Variants in TANK observed in about 807,000 individuals in gnomAD.
TANK encodes the protein TRAF family member associated NFKB activator.
A neutral mutation model predicts 43.6 loss-of-function variants in TANK; 15 were observed. The ratio of observed to expected loss-of-function variants is 0.34; its 90% CI spans 0.23 to 0.53. The LOEUF is 0.53. Ranked by LOEUF, TANK falls within the 20% of genes least tolerant of loss-of-function variation. The pLI is 0.94. For missense variants in TANK, 417 were observed against 498.6 expected, an observed-to-expected ratio of 0.84 and a Z score of 1.56; for synonymous variants, 162 against 178.2, an observed-to-expected ratio of 0.91 and a Z score of 0.73.
At chr2:161,173,729 G>A (rs927294914) in intron 1 of TANK, among the ~76,000 whole-genome samples, 7 of 152,018 alleles carry the variant, frequency 4.6e-5, no homozygotes, top group African/African-American at 1.7e-4. Flanking sequence ...GGAGAAAAAG[G>A]CAAAGACCAT....
intron 1 of TANK, among the ~76,000 whole-genome samples, chr2:161,170,536 A>G (rs1417860001): frequency 6.6e-6 from 1 of 152,186 alleles, no homozygotes. Flanking sequence ...GTTGGTGCAT[A>G]TTTGTATAGC....
intron 6 of TANK, among the ~76,000 whole-genome samples, chr2:161,225,291 T>C (rs2105388807): frequency 6.6e-6 from 1 of 152,182 alleles, no homozygotes; most frequent in Middle Eastern, 3.4e-3. Context: ...GCAGTGGCTA[T>C]TCACAGGCCT....
chr2:161,226,645 T>A (rs1158426118), intron 6 of TANK, among the ~76,000 whole-genome samples: 1 of 152,182 alleles, frequency 6.6e-6, no homozygotes, highest in Non-Finnish European at 1.5e-5. Context: ...ATGATTCATT[T>A]GAAAATACTG....
At chr2:161,207,810 C>T in intron 4 of TANK, 3 of 985,280 alleles carry the variant, frequency 3.0e-6, no homozygotes, top group Non-Finnish European at 3.6e-6. Context: ...ATGTCTGTTG[C>T]AGTTTTTTAA....
At chr2:161,169,394 A>G (rs566686119) in intron 1 of TANK, among the ~76,000 whole-genome samples, 16 of 152,246 alleles carry the variant, frequency 1.1e-4, no homozygotes, top group East Asian at 1.9e-4. Flanking sequence ...ATAGCATTAC[A>G]TAGTAATAAG....
At chr2:161,159,778 T>C (rs543419279), upstream of TANK, among the ~76,000 whole-genome samples, 8 of 152,352 alleles carry the variant, frequency 5.3e-5, no homozygotes, top group East Asian at 1.9e-4. Context: ...TGGCTAGGAA[T>C]TGGAATAATG....
intron 1 of TANK, among the ~76,000 whole-genome samples, chr2:161,148,947 T>C (rs1309634766): frequency 6.6e-6 from 1 of 152,204 alleles, no homozygotes; most frequent in African/African-American, 2.4e-5. Context: ...ACTTTGTTTT[T>C]CCTTTGCAAT....
At chr2:161,175,156 G>T (rs1282772091) in intron 1 of TANK, among the ~76,000 whole-genome samples, 3 of 152,084 alleles carry the variant, frequency 2.0e-5, no homozygotes, top group African/African-American at 4.8e-5. Flanking sequence ...CATGGGAGGA[G>T]ATGCCATGTC....
intron 2 of TANK, among the ~76,000 whole-genome samples, chr2:161,181,699 C>T (rs747774040): frequency 3.3e-5 from 5 of 152,024 alleles, no homozygotes; most frequent in South Asian, 4.1e-4. Flanking sequence ...GGGGAAAATC[C>T]GCCTCCATGA....
chr2:161,205,387 T>G (rs1317537371), intron 4 of TANK, among the ~76,000 whole-genome samples: 3 of 151,854 alleles, frequency 2.0e-5, no homozygotes, highest in East Asian at 3.9e-4. Context: ...GTGTGTGTGG[T>G]GTGTGTGTGT....
At chr2:161,151,242 A>G (rs1267243455) in intron 1 of TANK, among the ~76,000 whole-genome samples, 2 of 152,166 alleles carry the variant, frequency 1.3e-5, no homozygotes, top group African/African-American at 4.8e-5. Flanking sequence ...AAGAATGTAT[A>G]TTCAGCTTTT....
rs761944165 is a variant in TANK, at chr2:161,231,447, G to A, written c.997G>A (p.Asp333Asn). The change falls in exon 7 of 8, where the codon GAC becomes AAC. Residue 333 changes from aspartate (D) to asparagine (N), a missense_variant. Coordinates refer to ENST00000392749, the MANE Select transcript of TANK (RefSeq NM_001199135.3). Reference sequence around the variant, plus strand: ...TAGAGCTGCGTGTTTGCCACCTGGAGACCATAATGCATTATATGTAAATAG... The same window carrying A: ...TAGAGCTGCGTGTTTGCCACCTGGAAACCATAATGCATTATATGTAAATAG... ...LDRAACLPPG[D>N]HNALYVNSFP... 6.2e-7 allele frequency: 1 copy of A among 1,614,146 alleles called. No individual in the cohort carries two copies. The highest frequency in any genetic ancestry group is 8.5e-7 in the Non-Finnish European group (1 of 1,180,022).
intron 1 of TANK, among the ~76,000 whole-genome samples, chr2:161,150,976 T>C (rs534365683): frequency 5.3e-5 from 8 of 152,354 alleles, no homozygotes; most frequent in Admixed American, 4.6e-4. Flanking sequence ...TTTTGATACA[T>C]TGCAATTTTG....
At chr2:161,147,261 C>T (rs556698512) in intron 1 of TANK, among the ~76,000 whole-genome samples, 1 of 152,168 alleles carries the variant, frequency 6.6e-6, no homozygotes, top group African/African-American at 2.4e-5. Context: ...TGTTAGGTGG[C>T]TATCAGTCCC....
intron 1 of TANK, among the ~76,000 whole-genome samples, chr2:161,168,234 T>A (rs1453961640): frequency 6.6e-6 from 1 of 152,146 alleles, no homozygotes; most frequent in Non-Finnish European, 1.5e-5. Context: ...AAGTTTTTAT[T>A]TCTCACTATG....
At chr2:161,141,724 C>T (rs1683752768) in intron 1 of TANK, among the ~76,000 whole-genome samples, 1 of 152,120 alleles carries the variant, frequency 6.6e-6, no homozygotes, top group South Asian at 2.1e-4. Flanking sequence ...TTTATCCTGT[C>T]TATCACTGAT....
chr2:161,235,351 A>C lies in TANK; in HGVS notation c.1111A>C (p.Lys371Gln). The C allele has an allele frequency of 6.3e-7, 1 of 1,591,678 alleles. No homozygotes were observed. Among genetic ancestry groups the C allele is most frequent in the Non-Finnish European group, 8.5e-7 (1 of 1,169,732 alleles). ...AIRGPQQPIW[K>Q]PFPNQDSDSV... Reference sequence around the variant, plus strand: ...TGTTTGTTTCCTGCAGCCCATTTGGAAGCCCTTTCCTAATCAAGACAGTGA... The same window carrying C: ...TGTTTGTTTCCTGCAGCCCATTTGGCAGCCCTTTCCTAATCAAGACAGTGA... The change falls in exon 8 of 8, where the codon AAG (lysine) becomes CAG (glutamine). Residue 371 changes from lysine (K) to glutamine (Q), a missense_variant. Transcript: ENST00000392749.
At chr2:161,167,483 C>G (rs1167928211) in intron 1 of TANK, among the ~76,000 whole-genome samples, 1 of 152,140 alleles carries the variant, frequency 6.6e-6, no homozygotes, top group Non-Finnish European at 1.5e-5. Flanking sequence ...TATTGTCAAC[C>G]TAAAGAAATG....
Position 161,212,643 on chromosome 2 carries a change from A to G in TANK, c.327+7850A>G, listed in dbSNP as rs1447166874. ...AGAAGCAAATTCGAATGTCTCTAGTATGGCTTTTCTCTCCTTATTTCCCCT... is the reference window on the plus strand; with the variant it reads ...AGAAGCAAATTCGAATGTCTCTAGTGTGGCTTTTCTCTCCTTATTTCCCCT... On this transcript the variant is annotated intron_variant, in intron 4 of 7. Coordinates refer to ENST00000392749, the MANE Select transcript of TANK (RefSeq NM_001199135.3). The G allele has an allele frequency of 7.1e-6, 7 of 985,270 alleles. No individual in the cohort carries two copies. The African/African-American group carries it at 1.0e-4, about 15-fold the overall frequency. 61.0% of individuals were successfully genotyped at this position (985,270 alleles called of 1,614,324 possible).
Sources: allele counts gnomAD v4.1 joint callset (sites outside exome capture counted in the v4.1 genomes callset), GRCh38; gene constraint gnomAD v4.1.1; transcripts MANE v1.5; gene names NCBI Gene and HGNC (gene_info 2026-07-23, HGNC 2026-07-21).